Variants in PCSK5 observed in about 807,000 individuals in gnomAD.
PCSK5 encodes proprotein convertase subtilisin/kexin type 5, also known as prohormone convertase 5.
Under a neutral mutation model 233.2 loss-of-function variants are expected in PCSK5, and 129 were observed. The ratio of observed to expected loss-of-function variants is 0.55; its 90% confidence interval spans 0.48 to 0.64. The LOEUF (loss-of-function observed/expected upper bound fraction) is 0.64. Among genes scored for constraint, PCSK5 ranks in the 30% least tolerant of loss-of-function variants. The pLI is 0.00. For missense variants in PCSK5, 2,076 were observed against 2,430.1 expected (o/e 0.85, Z 3.06); for synonymous variants, 825 against 879.2 (o/e 0.94, Z 1.09).
chr9:76,123,660 T>G (rs1423159691), intron 9 of PCSK5, among the ~76,000 whole-genome samples: 1 of 152,234 alleles, frequency 6.6e-6, no homozygotes, highest in Non-Finnish European at 1.5e-5. Context: ...AGGTCTTTTC[T>G]AATAACAACT....
intron 24 of PCSK5, among the ~76,000 whole-genome samples, chr9:76,254,252 T>TGAC (rs1826906319): frequency 6.6e-6 from 1 of 152,204 alleles, no homozygotes; most frequent in African/African-American, 2.4e-5. Context: ...TGTGTAATGG[T>TGAC]GACAGTCTCA....
intron 28 of PCSK5, among the ~76,000 whole-genome samples, chr9:76,304,120 C>T (rs561133038): frequency 6.6e-6 from 1 of 152,212 alleles, no homozygotes; most frequent in Admixed American, 6.5e-5. Context: ...TGCAGTGAGC[C>T]AAGATTGCAC....
intron 5 of PCSK5, among the ~76,000 whole-genome samples, chr9:76,027,989 A>G (rs1828500117): frequency 1.3e-5 from 2 of 152,204 alleles, no homozygotes; most frequent in Admixed American, 6.5e-5. Context: ...TTAAGTCAGT[A>G]AGTTTAGATA....
intron 1 of PCSK5, among the ~76,000 whole-genome samples, chr9:75,910,987 C>G (rs11144682): frequency 6.6e-6 from 1 of 152,068 alleles, no homozygotes; most frequent in Non-Finnish European, 1.5e-5. Context: ...GATTTTTCTT[C>G]TTTGGCAAGA....
At chr9:76,198,703 A>G (rs900725315) in intron 20 of PCSK5, among the ~76,000 whole-genome samples, 11 of 152,190 alleles carry the variant, frequency 7.2e-5, no homozygotes, top group Admixed American at 2.0e-4. Flanking sequence ...GCTTCCATAA[A>G]TAAATATTAT....
At chr9:76,332,168 G>A (rs1829555455) in intron 33 of PCSK5, among the ~76,000 whole-genome samples, 1 of 152,080 alleles carries the variant, frequency 6.6e-6, no homozygotes, top group South Asian at 2.1e-4. Context: ...GATGAGATGA[G>A]ATGGGATCAC....
At chr9:75,991,053 C>A (rs182508295) in intron 3 of PCSK5, among the ~76,000 whole-genome samples, 1 of 152,216 alleles carries the variant, frequency 6.6e-6, no homozygotes, top group Non-Finnish European at 1.5e-5. Context: ...ATCTTATCGC[C>A]AGTGTTCCAG....
chr9:76,099,837 C>A (rs1460488965), intron 8 of PCSK5, among the ~76,000 whole-genome samples: 1 of 152,130 alleles, frequency 6.6e-6, no homozygotes, highest in Admixed American at 6.5e-5. Context: ...CTGAGACATT[C>A]ATTTCCTTTT....
At chr9:75,907,867 T>C (rs1020900615) in intron 1 of PCSK5, among the ~76,000 whole-genome samples, 5 of 152,150 alleles carry the variant, frequency 3.3e-5, no homozygotes, top group African/African-American at 1.2e-4. Flanking sequence ...ACAGTCAGGT[T>C]TGGTGCGCGT....
chr9:76,087,035 A>T (rs912150043), intron 7 of PCSK5, among the ~76,000 whole-genome samples: 1 of 152,188 alleles, frequency 6.6e-6, no homozygotes, highest in African/African-American at 2.4e-5. Flanking sequence ...TTCTTTCTCC[A>T]TGTAAGACTG....
chr9:76,316,789 T>G (rs898504746), intron 30 of PCSK5, among the ~76,000 whole-genome samples: 3 of 142,060 alleles, frequency 2.1e-5, no homozygotes, highest in Non-Finnish European at 4.6e-5. Flanking sequence ...TATTTAAGAA[T>G]GCACTAAATT....
chr9:76,294,565 C>A (rs1030168594), intron 25 of PCSK5, among the ~76,000 whole-genome samples: 1 of 152,070 alleles, frequency 6.6e-6, no homozygotes, highest in Non-Finnish European at 1.5e-5. Flanking sequence ...CCCAGTCCCA[C>A]CGTTAGCTAG....
intron 1 of PCSK5, among the ~76,000 whole-genome samples, chr9:75,929,952 T>A (rs900486955): frequency 2.7e-5 from 4 of 149,236 alleles, no homozygotes; most frequent in Non-Finnish European, 5.9e-5. Flanking sequence ...AACCTCCGCC[T>A]CCCAGATTCA....
intron 5 of PCSK5, among the ~76,000 whole-genome samples, chr9:76,048,003 T>G (rs1276980336): frequency 6.6e-6 from 1 of 152,184 alleles, no homozygotes; most frequent in Non-Finnish European, 1.5e-5. Context: ...TGGAATCATT[T>G]TATTGACAAA....
chr9:75,997,080 G>C (rs141514376), intron 3 of PCSK5, among the ~76,000 whole-genome samples: 96 of 152,230 alleles, frequency 6.3e-4, no homozygotes, highest in Non-Finnish European at 1.0e-3. Context: ...CCAATAACTA[G>C]GGTTCTTTTA....
At chr9:76,135,478 T>C (rs1346579286) in intron 10 of PCSK5, among the ~76,000 whole-genome samples, 1 of 152,120 alleles carries the variant, frequency 6.6e-6, no homozygotes, top group Non-Finnish European at 1.5e-5. Context: ...GCATGTAAAC[T>C]ATATAATGCA....
At chr9:75,967,303 G>A (rs185860597) in intron 2 of PCSK5, among the ~76,000 whole-genome samples, 6 of 152,240 alleles carry the variant, frequency 3.9e-5, no homozygotes, top group Middle Eastern at 3.4e-3. Flanking sequence ...ATGTCCATGA[G>A]TACCCAATGT....
chr9:76,303,209 T>C (rs13283517), intron 28 of PCSK5, among the ~76,000 whole-genome samples: 2 of 152,084 alleles, frequency 1.3e-5, no homozygotes, highest in Non-Finnish European at 2.9e-5. Context: ...TTTTTATTTG[T>C]TATTATTTTT....
chr9:76,290,986 G>A (rs72740933), intron 24 of PCSK5, among the ~76,000 whole-genome samples: 35 of 152,222 alleles, frequency 2.3e-4, no homozygotes, highest in South Asian at 1.0e-3. Context: ...AAGTTCACAA[G>A]ATAATTAAGC....
Sources: allele counts gnomAD v4.1 joint callset (sites outside exome capture counted in the v4.1 genomes callset), GRCh38; gene constraint gnomAD v4.1.1; transcripts MANE v1.5; gene names NCBI Gene and HGNC (gene_info 2026-07-23, HGNC 2026-07-21).